TRIML1: variants seen among roughly 807,000 people sequenced by gnomAD.
TRIML1 encodes the protein probable E3 ubiquitin-protein ligase TRIML1.
TRIML1 carries 34 observed loss-of-function variants against 32.3 expected under a neutral mutation model. That is an observed-to-expected ratio of 1.05 (90% CI 0.80 to 1.40). The LOEUF is 1.40. Among genes scored for constraint, TRIML1 ranks in the 40% most tolerant of loss-of-function variants. The pLI is 0.00. For missense variants in TRIML1, 595 were observed against 574.9 expected (o/e 1.03, Z -0.36); for synonymous variants, 244 against 226.6 (o/e 1.08, Z -0.69).
intron 2 of TRIML1, among the ~76,000 whole-genome samples, 199 bp from the exon 3 acceptor site, chr4:188,142,053 G>T (rs1734873908): frequency 6.7e-6 from 1 of 150,302 alleles, no homozygotes; most frequent in African/African-American, 2.5e-5. Flanking sequence ...GGAGGCAGAG[G>T]TTGCAGTGAG....
intron 5 of TRIML1, among the ~76,000 whole-genome samples, chr4:188,145,173 C>T (rs28434280): frequency 1.3e-5 from 2 of 151,972 alleles, no homozygotes; most frequent in Non-Finnish European, 2.9e-5. Context: ...TGCGGTGGCT[C>T]ACGCTTGTAA....
chr4:188,144,004 G>A lies in TRIML1; in HGVS notation c.759-32G>A, dbSNP rs778236709. The stretch of plus-strand genomic sequence containing the variant: ...AGCTGGAGCAGGTCACGCGGTCTGT[G>A]CCGAGGAGTGAACCTCTCTGCTCTC... On this transcript the variant is annotated intron_variant, in intron 4 of 5. Transcript: ENST00000332517. 30 of 1,611,870 alleles carry A rather than the reference G, an allele frequency of 1.9e-5. No homozygotes were observed. In the South Asian group the frequency reaches 3.2e-4, roughly 17 times the overall value.
chr4:188,149,046 T>C (rs1385201609), downstream of TRIML1, among the ~76,000 whole-genome samples: 1 of 151,408 alleles, frequency 6.6e-6, no homozygotes, highest in Non-Finnish European at 1.5e-5. Context: ...CCCGAGTAGC[T>C]GGGACTAAAG....
downstream of TRIML1, among the ~76,000 whole-genome samples, chr4:188,150,281 A>T (rs971086464): frequency 1.3e-5 from 2 of 151,314 alleles, no homozygotes; most frequent in Non-Finnish European, 2.9e-5. Context: ...GGCATGCACC[A>T]CCACACCCAG....
chr4:188,147,141 G>C lies in TRIML1; in HGVS notation c.1176G>C (p.Ser392=), dbSNP rs757424658. Residue 392 remains serine (S), a synonymous_variant, in exon 6 of 6, where the codon TCG becomes TCC. Coordinates refer to ENST00000332517, the MANE Select transcript of TRIML1 (RefSeq NM_178556.5). ...GAGATGATTACAGCCTCTGGGTCTC[G>C]TCACCTTTGAAAGGTCAGCACGTCA... ...KIGDDYSLWV[S]SPLKGQHVRE... is the part of the protein sequence containing the mutation. The C allele has an allele frequency of 1.9e-5, 30 of 1,613,904 alleles. 1 individual carries two copies. The Admixed American group carries it at 3.7e-4, about 20-fold the overall frequency.
At chr4:188,144,467 A>T (rs1734987110) in intron 5 of TRIML1, among the ~76,000 whole-genome samples, 1 of 140,424 alleles carries the variant, frequency 7.1e-6, no homozygotes, top group Non-Finnish European at 1.6e-5. Flanking sequence ...GGTTCACGCC[A>T]TTCTCCTGCC....
chr4:188,140,762 G>A (rs1734824848), intron 2 of TRIML1, 139 bp downstream of exon 2: 2 of 645,038 alleles, frequency 3.1e-6, no homozygotes, highest in Non-Finnish European at 5.4e-6. Flanking sequence ...CTTGCATTGG[G>A]CTGCCTTCTT....
intron 2 of TRIML1, among the ~76,000 whole-genome samples, chr4:188,141,231 G>T (rs994709715): frequency 4.8e-5 from 7 of 144,620 alleles, no homozygotes; most frequent in African/African-American, 1.5e-4. Flanking sequence ...GCAGTGGCGC[G>T]ATCCCGGCTC....
At chr4:188,138,469 G>A (rs1444875769), upstream of TRIML1, among the ~76,000 whole-genome samples, 2 of 152,094 alleles carry the variant, frequency 1.3e-5, no homozygotes, top group East Asian at 3.9e-4. Flanking sequence ...CTTTTGAGGT[G>A]CAACTTCCTG....
Position 188,147,354 on chromosome 4 carries a change from A to G in TRIML1, c.1389A>G (p.Ser463=), listed in dbSNP as rs748771063. The G allele has an allele frequency of 2.0e-6, 3 of 1,505,252 alleles. No homozygotes were observed. The highest frequency in any genetic ancestry group is 2.8e-5 in the South Asian group (2 of 72,544). The allele number at this position is 1,505,252 out of a possible 1,614,324, so 93.2% of individuals were successfully genotyped here. ...ACACAGACCCTCTCACCATCTGCTC[A>G]CTGAACAGCCACGTCTGAGGGGCGT... is the stretch of plus-strand genomic sequence containing the variant. The part of the protein sequence containing the change: ...GTNTDPLTIC[S]LNSHV The change falls in exon 6 of 6, where the codon TCA becomes TCG. Residue 463 remains serine (S), a synonymous_variant. Transcript: ENST00000332517.
chr4:188,137,548 C>T (rs1311326262), upstream of TRIML1, among the ~76,000 whole-genome samples: 2 of 149,858 alleles, frequency 1.3e-5, no homozygotes, highest in South Asian at 2.1e-4. Flanking sequence ...CGTGATCTCA[C>T]CTCACTGCAA....
upstream of TRIML1, among the ~76,000 whole-genome samples, chr4:188,138,329 T>A (rs916067916): frequency 1.3e-5 from 2 of 151,994 alleles, no homozygotes; most frequent in African/African-American, 2.4e-5. Context: ...CAGAAACCAA[T>A]GAACGGAACA....
chr4:188,140,367 C>T (rs1009893910), intron 1 of TRIML1, among the ~76,000 whole-genome samples, 161 bp from the exon 2 acceptor site: 2 of 152,170 alleles, frequency 1.3e-5, no homozygotes, highest in Non-Finnish European at 2.9e-5. Flanking sequence ...GGTGATCCGC[C>T]TGCCTCGGCC....
At position 188,142,465 on chromosome 4, in the gene TRIML1, G is replaced by A; in HGVS notation, c.718G>A (p.Ala240Thr). Residue 240 changes from alanine (A) to threonine (T), a missense_variant, in exon 3 of 6, where the codon GCT becomes ACT. Coordinates refer to ENST00000332517, the MANE Select transcript of TRIML1 (RefSeq NM_178556.5). ...GATTGAGTCCTCAAGTCAAAGCTCGGCTTTCGAATCTCTTGAGGTGAGAAT... is the reference window on the plus strand; with the variant it reads ...GATTGAGTCCTCAAGTCAAAGCTCGACTTTCGAATCTCTTGAGGTGAGAAT... The part of the protein sequence containing the change: ...AQIESSSQSS[A>T]FESLEEVRGA... 6.2e-7 allele frequency: 1 copy of A among 1,613,680 alleles called. No homozygotes were observed. The highest frequency in any genetic ancestry group is 8.5e-7 in the Non-Finnish European group (1 of 1,179,890).
Position 188,139,983 on chromosome 4 carries a change from G to A in TRIML1, c.408+17G>A. The A allele has an allele frequency of 6.3e-7, 1 of 1,583,166 alleles. No individual in the cohort carries two copies. Among genetic ancestry groups the A allele is most frequent in the Non-Finnish European group, 8.6e-7 (1 of 1,161,956 alleles). On this transcript the variant is annotated intron_variant, in intron 1 of 5. Coordinates refer to ENST00000332517, the MANE Select transcript of TRIML1 (RefSeq NM_178556.5). ...CATCACAGAGTAAGACAGCTGCTCA[G>A]CATGAACCCCACGACTCATCGCAGC... is the stretch of plus-strand genomic sequence containing the variant.
At position 188,147,056 on chromosome 4, in the gene TRIML1, G is replaced by C; in HGVS notation, c.1091G>C (p.Arg364Thr). The change falls in exon 6 of 6, where the codon AGA becomes ACA. Residue 364 changes from arginine to threonine, a missense_variant. Coordinates refer to ENST00000332517, the MANE Select transcript of TRIML1 (RefSeq NM_178556.5). ...EVGICKDSVS[R>T]KGNLPKPPGD... is the part of the protein sequence containing the mutation. The stretch of plus-strand genomic sequence containing the variant: ...GGCATCTGCAAGGACTCTGTGAGCA[G>C]AAAGGGGAATCTCCCCAAGCCACCT... The C allele has an allele frequency of 6.2e-7, 1 of 1,613,304 alleles. No homozygotes were observed. Among genetic ancestry groups the C allele is most frequent in the Non-Finnish European group, 8.5e-7 (1 of 1,179,664 alleles).
At chr4:188,140,018 T>A (rs747756814) in intron 1 of TRIML1, 52 bp downstream of exon 1, 6 of 1,529,376 alleles carry the variant, frequency 3.9e-6, no homozygotes, top group Non-Finnish European at 5.3e-6. Flanking sequence ...CTAACTCCGT[T>A]AGCTTTCCTG....
chr4:188,148,286 G>A (rs975644546), downstream of TRIML1, among the ~76,000 whole-genome samples: 1 of 152,042 alleles, frequency 6.6e-6, no homozygotes, highest in Non-Finnish European at 1.5e-5. Context: ...CTGAGGTTGG[G>A]AGTTTGAGAC....
At chr4:188,137,397 G>A (rs2111219561), upstream of TRIML1, among the ~76,000 whole-genome samples, 1 of 146,842 alleles carries the variant, frequency 6.8e-6, no homozygotes, top group Non-Finnish European at 1.5e-5. Flanking sequence ...CCACCTCTTG[G>A]GTTCAAGTGA....
Sources: gnomAD v4.1 joint callset for allele counts (sites outside exome capture counted in the v4.1 genomes callset) on GRCh38, gnomAD v4.1.1 for gene constraint, MANE v1.5 for transcripts, NCBI Gene and HGNC (gene_info 2026-07-23, HGNC 2026-07-21) for gene names.